The following SPATS2 variants were observed in gnomAD, a reference collection of about 807,000 sequenced individuals.
The protein encoded by SPATS2 is spermatogenesis-associated serine-rich protein 2.
SPATS2 carries 38 observed loss-of-function variants against 63.7 expected under a neutral mutation model. That is an observed-to-expected ratio of 0.60 (90% CI 0.46 to 0.78). The LOEUF is 0.78. Among genes scored for constraint, SPATS2 ranks in the 30% least tolerant of loss-of-function variants. The pLI, the probability that SPATS2 is intolerant of heterozygous loss-of-function variation, is 0.00. For missense variants in SPATS2, 588 were observed against 666.2 expected, an observed-to-expected ratio of 0.88 and a Z score of 1.29; for synonymous variants, 207 against 232.9, an observed-to-expected ratio of 0.89 and a Z score of 1.01.
chr12:49,481,328 C>T (rs1458055791), intron 3 of SPATS2, among the ~76,000 whole-genome samples: 1 of 151,988 alleles, frequency 6.6e-6, no homozygotes, highest in African/African-American at 2.4e-5. Flanking sequence ...GCACTGTACT[C>T]CCCGCCTGGG....
rs190042802 is a variant in SPATS2, at chr12:49,409,113, T to C, written c.-244+37823T>C. Among the ~76,000 whole-genome samples the C allele has an allele frequency of 3.1e-3, 469 of 152,280 alleles. 8 individuals carry two copies. The highest frequency in any genetic ancestry group is 0.011 in the African/African-American group (443 of 41,564). On this transcript the variant is annotated intron_variant, in intron 2 of 13. Transcript: ENST00000552918. ...AACCTGATATTCCAGGTACTTCTAA[T>C]GGTGTTTCAGGCAGCATCATAGAAT...
At chr12:49,487,981 C>T (rs1480937579) in intron 4 of SPATS2, among the ~76,000 whole-genome samples, 1 of 152,110 alleles carries the variant, frequency 6.6e-6, no homozygotes, top group African/African-American at 2.4e-5. Flanking sequence ...TTAGTTCCCT[C>T]TAGGGATTTC....
intron 2 of SPATS2, among the ~76,000 whole-genome samples, chr12:49,385,629 G>A (rs1944301124): frequency 6.6e-6 from 1 of 152,058 alleles, no homozygotes; most frequent in Admixed American, 6.6e-5. Flanking sequence ...TCTTACGATT[G>A]TTTTAATATT....
At chr12:49,439,564 T>C (rs542787383) in intron 2 of SPATS2, among the ~76,000 whole-genome samples, 40 of 152,154 alleles carry the variant, frequency 2.6e-4, no homozygotes, top group African/African-American at 9.2e-4. Flanking sequence ...CTGAGGAAAA[T>C]AGAGGAGTCA....
chr12:49,456,583 T>G (rs1945723020), intron 2 of SPATS2, among the ~76,000 whole-genome samples: 1 of 152,222 alleles, frequency 6.6e-6, no homozygotes, highest in Non-Finnish European at 1.5e-5. Flanking sequence ...GCAGCCATAG[T>G]GAAATAGCAG....
intron 2 of SPATS2, among the ~76,000 whole-genome samples, chr12:49,401,677 T>C (rs561813246): frequency 6.6e-5 from 10 of 152,192 alleles, no homozygotes; most frequent in Admixed American, 6.5e-4. Context: ...TTCTTTTCTT[T>C]TTTAGTTTTT....
intron 2 of SPATS2, among the ~76,000 whole-genome samples, chr12:49,399,087 A>G (rs1241987751): frequency 6.6e-6 from 1 of 151,068 alleles, no homozygotes; most frequent in Non-Finnish European, 1.5e-5. Flanking sequence ...TGACCCCTGC[A>G]TTTCCCCCAT....
At chr12:49,524,937 CTCCAGATTG>C (rs1174539082) in intron 13 of SPATS2, 41 bp downstream of exon 13, 1 of 1,583,562 alleles carries the variant, frequency 6.3e-7, no homozygotes, top group African/African-American at 1.3e-5. Context: ...GAAGAAAACC[CTCCAGATTG>C]TCAAAGCTTA....
In SPATS2 at chr12:49,514,559, A is replaced by G. The variant is rs758635841; in HGVS notation, c.844A>G (p.Met282Val). 7 of 1,612,880 alleles carry G rather than the reference A, an allele frequency of 4.3e-6. No homozygotes were observed. Among genetic ancestry groups the G allele is most frequent in the East Asian group, 2.2e-5 (1 of 44,818 alleles). ...QAFAELESCL[M>V]DREVALLAEM... ...TCCTTTGTCATCTTTTCCTAGTTTA[A>G]TGGATCGAGAAGTGGCGTTGCTTGC... is the stretch of plus-strand genomic sequence containing the variant. The change falls in exon 10 of 14, where the codon ATG (methionine) becomes GTG (valine). Residue 282 changes from methionine to valine, a missense_variant. Met to Val is a conservative substitution (Grantham distance 21, BLOSUM62 1). Coordinates refer to ENST00000552918, the MANE Select transcript of SPATS2 (RefSeq NM_023071.4).
At chr12:49,464,201 T>C (rs1046885395) in intron 3 of SPATS2, among the ~76,000 whole-genome samples, 2 of 151,490 alleles carry the variant, frequency 1.3e-5, no homozygotes, top group African/African-American at 4.9e-5. Context: ...ATCACCAAAA[T>C]CTTGTTTTAA....
chr12:49,412,631 A>C (rs1944817091), intron 2 of SPATS2, among the ~76,000 whole-genome samples: 2 of 152,018 alleles, frequency 1.3e-5, no homozygotes, highest in South Asian at 4.2e-4. Context: ...CTGTAATCCC[A>C]GCACTTTGGG....
intron 2 of SPATS2, among the ~76,000 whole-genome samples, chr12:49,387,768 A>G (rs1229056260): frequency 6.6e-6 from 1 of 151,596 alleles, no homozygotes; most frequent in African/African-American, 2.4e-5. Context: ...GAGAGCAGGC[A>G]GGCACTGGAG....
At chr12:49,421,400 G>A (rs1944979713) in intron 2 of SPATS2, among the ~76,000 whole-genome samples, 1 of 99,084 alleles carries the variant, frequency 1.0e-5, no homozygotes, top group African/African-American at 4.0e-5. Flanking sequence ...CTGGGCAACA[G>A]AGCAAGACTT....
At chr12:49,506,225 C>T (rs1592467976) in intron 9 of SPATS2, among the ~76,000 whole-genome samples, 1 of 152,146 alleles carries the variant, frequency 6.6e-6, no homozygotes, top group Non-Finnish European at 1.5e-5. Flanking sequence ...TTTCAATTTG[C>T]ACATGCCTGT....
chr12:49,409,574 G>A (rs1461974113), intron 2 of SPATS2, among the ~76,000 whole-genome samples: 2 of 147,460 alleles, frequency 1.4e-5, no homozygotes, highest in Non-Finnish European at 3.0e-5. Flanking sequence ...TTACAGGCGT[G>A]AGCCACTGTG....
intron 2 of SPATS2, among the ~76,000 whole-genome samples, chr12:49,404,160 G>A (rs750481782): frequency 1.3e-5 from 2 of 152,086 alleles, no homozygotes; most frequent in East Asian, 1.9e-4. Context: ...ACAATTTAAC[G>A]TGGTGAATGC....
chr12:49,442,947 C>G (rs1489510783), intron 2 of SPATS2, among the ~76,000 whole-genome samples: 1 of 152,156 alleles, frequency 6.6e-6, no homozygotes, highest in Non-Finnish European at 1.5e-5. Context: ...CATTCTGCTT[C>G]CTGTCTCTAT....
intron 2 of SPATS2, among the ~76,000 whole-genome samples, chr12:49,450,300 C>T (rs572211204): frequency 3.3e-5 from 5 of 151,488 alleles, no homozygotes; most frequent in African/African-American, 4.8e-5. Flanking sequence ...CCCAGGCTGG[C>T]GTGCAGTGGC....
chr12:49,515,437 A>C (rs1398603338), intron 10 of SPATS2, among the ~76,000 whole-genome samples: 1 of 152,236 alleles, frequency 6.6e-6, no homozygotes, highest in Non-Finnish European at 1.5e-5. Context: ...GGTCGAGATC[A>C]TGACTCACAG....
Sources: allele counts gnomAD v4.1 joint callset (sites outside exome capture counted in the v4.1 genomes callset), GRCh38; gene constraint gnomAD v4.1.1; transcripts MANE v1.5; gene names NCBI Gene and HGNC (gene_info 2026-07-23, HGNC 2026-07-21).